The following CALR3 variants were observed in gnomAD, a reference collection of about 807,000 sequenced individuals.
The protein encoded by CALR3 is calreticulin 3.
A neutral mutation model predicts 48.7 loss-of-function variants in CALR3; 39 were observed. The observed-to-expected ratio is 0.80, with a 90% CI of 0.62 to 1.05. CALR3 has a LOEUF of 1.05. Ranked by LOEUF, CALR3 falls within the 50% of genes least tolerant of loss-of-function variation. The pLI is 0.00. For missense variants in CALR3, 449 were observed against 474.7 expected (o/e 0.95, Z 0.50); for synonymous variants, 185 against 172.7 (o/e 1.07, Z -0.56).
At position 16,496,136 on chromosome 19, in the gene CALR3, G is replaced by A. The variant is rs1218277706; in HGVS notation, c.-7C>T. 1.0e-5 allele frequency: 16 copies of A among 1,593,450 alleles called. No individual in the cohort carries two copies. Among genetic ancestry groups the A allele is most frequent in the Non-Finnish European group, 1.4e-5 (16 of 1,170,036 alleles). On this transcript the variant is annotated 5_prime_UTR_variant, in exon 1 of 9. Coordinates refer to ENST00000269881, the MANE Select transcript of CALR3 (RefSeq NM_145046.5). ...GGACCAAAGCCCGGGCCATGGGGGT[G>A]TGCACTGCGCTTCCGGTCGCCGCCA...
Position 16,482,540 on chromosome 19 carries a change from G to GCC in CALR3, c.827_828insGG (p.His277AlafsTer5). On this transcript the variant is annotated frameshift_variant, in exon 7 of 9. Coordinates refer to ENST00000269881, the MANE Select transcript of CALR3 (RefSeq NM_145046.5). LOFTEE classifies it high-confidence loss of function. ...AGTCGGTATTCTTCATCTTACGGTG[G>GCC]AGCCAGACGTCTTTATGAATACCTT... 1 of 1,614,218 alleles carries GCC rather than the reference G, an allele frequency of 6.2e-7. No individual in the cohort carries two copies. The highest frequency in any genetic ancestry group is 1.1e-5 in the South Asian group (1 of 91,090).
At chr19:16,482,347 C>A in intron 7 of CALR3, 103 bp downstream of exon 7, 2 of 1,532,568 alleles carry the variant, frequency 1.3e-6, no homozygotes, top group Middle Eastern at 2.2e-4. Flanking sequence ...CCACTGCACT[C>A]CAGCCTAGGT....
chr19:16,487,551 G>A (rs537666594), intron 3 of CALR3, among the ~76,000 whole-genome samples: 2 of 150,526 alleles, frequency 1.3e-5, no homozygotes, highest in East Asian at 2.0e-4. Flanking sequence ...CTCAAACTCC[G>A]GGGCTCAAGT....
intron 3 of CALR3, among the ~76,000 whole-genome samples, chr19:16,486,871 G>A (rs2093389976): frequency 6.6e-6 from 1 of 152,062 alleles, no homozygotes. Context: ...GTAACAGAGT[G>A]GGTTTGAGTA....
At chr19:16,488,871 G>A (rs2093393291) in intron 3 of CALR3, among the ~76,000 whole-genome samples, 1 of 152,098 alleles carries the variant, frequency 6.6e-6, no homozygotes, top group Non-Finnish European at 1.5e-5. Context: ...TTTCTATAAA[G>A]GCCAGATGGT....
At chr19:16,495,170 G>C (rs1031821222) in intron 2 of CALR3, among the ~76,000 whole-genome samples, 1 of 150,274 alleles carries the variant, frequency 6.7e-6, no homozygotes, top group Non-Finnish European at 1.5e-5. Context: ...AGGTTTGAGT[G>C]AGCCAAGATC....
intron 2 of CALR3, among the ~76,000 whole-genome samples, chr19:16,491,338 GT>G (rs2093397711): frequency 6.6e-6 from 1 of 150,542 alleles, no homozygotes; most frequent in Admixed American, 6.6e-5. Flanking sequence ...TAGCCAGGAT[GT>G]TCTCGATCCC....
intron 4 of CALR3, among the ~76,000 whole-genome samples, chr19:16,484,484 G>C (rs528262353): frequency 6.6e-6 from 1 of 151,184 alleles, no homozygotes; most frequent in Admixed American, 6.6e-5. Context: ...GCCAACTCTC[G>C]ATGTTTTAAT....
chr19:16,496,149 C>A lies in CALR3; in HGVS notation c.-20G>T. The A allele has an allele frequency of 6.4e-7, 1 of 1,568,104 alleles. No individual in the cohort carries two copies. Among genetic ancestry groups the A allele is most frequent in the South Asian group, 1.2e-5 (1 of 86,146 alleles). On this transcript the variant is annotated 5_prime_UTR_variant, in exon 1 of 9. Transcript: ENST00000269881. ...GGCCATGGGGGTGTGCACTGCGCTT[C>A]CGGTCGCCGCCACCCCTTAGCTCCC...
chr19:16,485,333 T>G (rs2093387634), intron 3 of CALR3, 76 bp from the exon 4 acceptor site: 2 of 778,726 alleles, frequency 2.6e-6, no homozygotes, highest in Non-Finnish European at 4.1e-6. Context: ...CAACCATTCT[T>G]TTTTTTTTTT....
intron 5 of CALR3, 194 bp downstream of exon 5, chr19:16,483,736 G>GTAAA: frequency 1.7e-6 from 1 of 598,440 alleles, no homozygotes; most frequent in Non-Finnish European, 2.9e-6. Context: ...AAATAAATAA[G>GTAAA]TAAATAAATA....
intron 2 of CALR3, among the ~76,000 whole-genome samples, chr19:16,494,344 G>A (rs906282106): frequency 1.3e-5 from 2 of 151,504 alleles, no homozygotes; most frequent in East Asian, 3.9e-4. Context: ...TTACAGGCGT[G>A]AGCCACCGTG....
intron 7 of CALR3, among the ~76,000 whole-genome samples, chr19:16,481,472 T>G (rs1046671165): frequency 1.4e-4 from 1 of 7,304 alleles, no homozygotes; most frequent in Admixed American, 2.6e-3. Context: ...TCTCGCTCTG[T>G]TTTTTTTTTT....
At chr19:16,483,869 A>T in intron 5 of CALR3, 61 bp downstream of exon 5, 1 of 1,548,180 alleles carries the variant, frequency 6.5e-7, no homozygotes, top group South Asian at 1.1e-5. Context: ...ATTGTCCAGT[A>T]ACTGGGTACT....
At chr19:16,490,712 T>C in intron 2 of CALR3, 142 bp from the exon 3 acceptor site, 1 of 791,552 alleles carries the variant, frequency 1.3e-6, no homozygotes, top group East Asian at 2.6e-5. Context: ...CAGAGCATTA[T>C]ACAATAATGC....
intron 3 of CALR3, among the ~76,000 whole-genome samples, chr19:16,489,143 GGCCAATTTGGC>G (rs946244576): frequency 6.6e-6 from 1 of 152,236 alleles, no homozygotes; most frequent in African/African-American, 2.4e-5. Context: ...ACAGGCAGTG[GGCCAATTTGGC>G]CCACGGCCAA....
intron 4 of CALR3, 144 bp downstream of exon 4, chr19:16,485,019 C>A: frequency 1.5e-6 from 1 of 659,300 alleles, no homozygotes; most frequent in South Asian, 1.7e-5. Context: ...CCAATGGGCC[C>A]CCTAAACTGG....
chr19:16,489,587 C>G (rs1008588241), intron 3 of CALR3, among the ~76,000 whole-genome samples: 1 of 151,072 alleles, frequency 6.6e-6, no homozygotes, highest in Non-Finnish European at 1.5e-5. Flanking sequence ...CCATTCCACT[C>G]CAGCCTGGGC....
chr19:16,492,349 G>A (rs2122146308), intron 2 of CALR3, among the ~76,000 whole-genome samples: 2 of 152,190 alleles, frequency 1.3e-5, no homozygotes, highest in South Asian at 2.1e-4. Context: ...CCAGCTACTC[G>A]GGAAGCTCAG....
Sources: gnomAD v4.1 joint callset for allele counts (sites outside exome capture counted in the v4.1 genomes callset) on GRCh38, gnomAD v4.1.1 for gene constraint, MANE v1.5 for transcripts, NCBI Gene and HGNC (gene_info 2026-07-23, HGNC 2026-07-21) for gene names.